The following CENPF variants were observed in gnomAD, a reference collection of about 807,000 sequenced individuals.
The protein encoded by CENPF is centromere protein F.
A neutral mutation model predicts 307.3 loss-of-function variants in CENPF; 214 were observed. The observed-to-expected ratio is 0.70, with a 90% CI of 0.62 to 0.78. The LOEUF (loss-of-function observed/expected upper bound fraction) is 0.78, where lower values mean the gene tolerates loss of function less well. CENPF is among the 30% of genes least tolerant of loss of function. The pLI is 0.00. For missense variants in CENPF, 3,401 were observed against 3,483.9 expected, an observed-to-expected ratio of 0.98 and a Z score of 0.60; for synonymous variants, 1,259 against 1,270.6, an observed-to-expected ratio of 0.99 and a Z score of 0.19.
chr1:214,660,751 T>G (rs754466253), intron 19 of CENPF, among the ~76,000 whole-genome samples: 115 of 152,346 alleles, frequency 7.5e-4, no homozygotes, highest in Admixed American at 1.1e-3. Context: ...GACATATAGC[T>G]GGTACTCTAT....
chr1:214,614,771 A>T, intron 2 of CENPF, 61 bp from the exon 3 acceptor site: 1 of 1,195,932 alleles, frequency 8.4e-7, no homozygotes. Flanking sequence ...CAGGTTTACC[A>T]ATAATACTTG....
intron 7 of CENPF, among the ~76,000 whole-genome samples, chr1:214,624,002 A>C (rs116298547): frequency 0.03 from 4,611 of 152,280 alleles, 108 homozygotes; most frequent in Middle Eastern, 0.088. Flanking sequence ...TGTTTACTTA[A>C]AACTTTTATT....
chr1:214,644,405 A>G, intron 12 of CENPF, 152 bp from the exon 13 acceptor site: 2 of 698,548 alleles, frequency 2.9e-6, no homozygotes, highest in Non-Finnish European at 4.5e-6. Flanking sequence ...CATTTGAATG[A>G]AGAGAGAAAG....
Position 214,659,663 on chromosome 1 carries a change from TG to T in CENPF, c.9141+636del, listed in dbSNP as rs1658742506. Reference sequence around the variant, plus strand: ...CATACCAGCAGCTGCCATTTAAGTATGCAAAGTATATGCATTTTATTTATCT... The same window carrying T: ...CATACCAGCAGCTGCCATTTAAGTATCAAAGTATATGCATTTTATTTATCT... On this transcript the variant is annotated intron_variant, in intron 19 of 19. Coordinates refer to ENST00000366955, the MANE Select transcript of CENPF (RefSeq NM_016343.4). The surrounding 1 kb of genome is among the most constrained non-coding windows in gnomAD (Gnocchi z 4.4). 6.6e-6 allele frequency among the ~76,000 whole-genome samples: 1 copy of T among 152,222 alleles called. No individual in the cohort carries two copies. The highest frequency in any genetic ancestry group is 2.1e-4 in the South Asian group (1 of 4,836).
At chr1:214,610,744 A>G (rs1657175865) in intron 1 of CENPF, among the ~76,000 whole-genome samples, 1 of 152,138 alleles carries the variant, frequency 6.6e-6, no homozygotes. Flanking sequence ...TGTCTTTGTC[A>G]TGAAATATTT....
At chr1:214,633,981 T>A (rs1657881082) in intron 10 of CENPF, among the ~76,000 whole-genome samples, 1 of 152,196 alleles carries the variant, frequency 6.6e-6, no homozygotes, top group Non-Finnish European at 1.5e-5. Flanking sequence ...AAAGCAATCA[T>A]CTGGTTAAGA....
intron 1 of CENPF, among the ~76,000 whole-genome samples, chr1:214,611,338 ACT>A (rs995491670): frequency 4.6e-5 from 7 of 151,024 alleles, no homozygotes; most frequent in African/African-American, 1.7e-4. Context: ...CATTTGTGTC[ACT>A]CTGATTTCTT....
chr1:214,613,936 A>G lies in CENPF; in HGVS notation c.162+20A>G. On this transcript the variant is annotated intron_variant, in intron 2 of 19. Transcript: ENST00000366955. ...CAGAAGGTACCCCTGAAGCTCTGGT[A>G]TTTGTAGCTGTTCACTCATTATTGA... The G allele has an allele frequency of 6.3e-7, 1 of 1,591,908 alleles. No homozygotes were observed.
Position 214,604,254 on chromosome 1 carries a change from G to A in CENPF, c.-42+933G>A, listed in dbSNP as rs1013473075. On this transcript the variant is annotated intron_variant, in intron 1 of 19. Coordinates refer to ENST00000366955, the MANE Select transcript of CENPF (RefSeq NM_016343.4). The stretch of plus-strand genomic sequence containing the variant: ...TTCGGGCATGAAGAGTGCCCTCCAC[G>A]TATTTAAGAGATAAAGATACAGCAT... Among the ~76,000 whole-genome samples the A allele has an allele frequency of 3.9e-5, 6 of 152,280 alleles. No homozygotes were observed. In the East Asian group the frequency reaches 1.2e-3, roughly 29 times the overall value.
At chr1:214,633,616 T>C (rs1167555330) in intron 10 of CENPF, among the ~76,000 whole-genome samples, 1 of 152,224 alleles carries the variant, frequency 6.6e-6, no homozygotes, top group Non-Finnish European at 1.5e-5. Flanking sequence ...CCCACCGCTT[T>C]GCAGAGTGTA....
chr1:214,646,420 G>T lies in CENPF; in HGVS notation c.6850G>T (p.Ala2284Ser). Reference sequence around the variant, plus strand: ...GTGTGGTGACCAAGAAATTATGAAGGCCACAGAACAGAGTCTAGACCCACC... The same window carrying T: ...GTGTGGTGACCAAGAAATTATGAAGTCCACAGAACAGAGTCTAGACCCACC... The part of the protein sequence containing the change: ...ALCGDQEIMK[A>S]TEQSLDPPIE... Residue 2284 changes from alanine (A) to serine (S), a missense_variant, in exon 13 of 20, where the codon GCC (alanine) becomes TCC (serine). By Grantham distance (99) the Ala-to-Ser change is moderately conservative. Coordinates refer to ENST00000366955, the MANE Select transcript of CENPF (RefSeq NM_016343.4). 6.2e-7 allele frequency: 1 copy of T among 1,614,098 alleles called. No homozygotes were observed. Among genetic ancestry groups the T allele is most frequent in the South Asian group, 1.1e-5 (1 of 91,078 alleles).
At chr1:214,605,720 C>A in intron 1 of CENPF, 2 of 1,593,608 alleles carry the variant, frequency 1.3e-6, no homozygotes, top group African/African-American at 1.3e-5. Context: ...GCGACGCAGG[C>A]CCTCCAGGTA....
chr1:214,613,724 A>G lies in CENPF; in HGVS notation c.-31A>G, dbSNP rs111454498. The G allele has an allele frequency of 1.3e-6, 2 of 1,552,332 alleles. No individual in the cohort carries two copies. The highest frequency in any genetic ancestry group is 1.4e-5 in the African/African-American group (1 of 71,826). On this transcript the variant is annotated 5_prime_UTR_variant, in exon 2 of 20. Transcript: ENST00000366955. ...GGTTATTCTTTTCAGTTTATTTACA[A>G]ATGTTGGAGTAATAAAGAAGGCAGA...
At chr1:214,604,846 GA>G (rs927838077) in intron 1 of CENPF, among the ~76,000 whole-genome samples, 2 of 149,750 alleles carry the variant, frequency 1.3e-5, no homozygotes, top group Non-Finnish European at 1.5e-5. Context: ...CTGAGAGCTA[GA>G]AAAAAAAACA....
In CENPF at chr1:214,647,045, C is replaced by T. The variant is rs374129418; in HGVS notation, c.7475C>T (p.Ala2492Val). Residue 2492 changes from alanine (A) to valine (V), a missense_variant, in exon 13 of 20, where the codon GCC (alanine) becomes GTC (valine). Physicochemically the swap from Ala to Val is moderately conservative, Grantham distance 64. Coordinates refer to ENST00000366955, the MANE Select transcript of CENPF (RefSeq NM_016343.4). The stretch of plus-strand genomic sequence containing the variant: ...CAGTTGCTACAAGGCCTTGATGAGG[C>T]CAAAAATAATTATATTGTTTTGCAA... ...KAQLLQGLDE[A>V]KNNYIVLQSS... 2.0e-5 allele frequency: 33 copies of T among 1,613,766 alleles called. No homozygotes were observed. Among genetic ancestry groups the T allele is most frequent in the African/African-American group, 2.7e-5 (2 of 74,866 alleles).
chr1:214,642,788 A>C lies in CENPF; in HGVS notation c.4450A>C (p.Ser1484Arg), dbSNP rs1269368923. The change falls in exon 12 of 20, where the codon AGC becomes CGC. Residue 1484 changes from serine to arginine, a missense_variant. Physicochemically the swap from Ser to Arg is moderately radical, Grantham distance 110. Coordinates refer to ENST00000366955, the MANE Select transcript of CENPF (RefSeq NM_016343.4). ...CCTGTCATCCTCTTGTGTGCCTGAC[A>C]GCTCTAGTCTTAGCAGTTTGGGAGA... ...PSLSSSCVPDSSSLSSLGDSS... is the reference protein window; with the variant it reads ...PSLSSSCVPDRSSLSSLGDSS... The C allele has an allele frequency of 9.3e-6, 15 of 1,613,846 alleles. No individual in the cohort carries two copies. Among genetic ancestry groups the C allele is most frequent in the Non-Finnish European group, 1.1e-5 (13 of 1,179,988 alleles).
At position 214,658,491 on chromosome 1, in the gene CENPF, C is replaced by T. The variant is rs1279643188; in HGVS notation, c.8963-359C>T. Among the ~76,000 whole-genome samples the T allele has an allele frequency of 2.7e-5, 4 of 150,764 alleles. No individual in the cohort carries two copies. In the South Asian group the frequency reaches 6.3e-4, roughly 24 times the overall value. ...TTTTTCCATTATACCCTCCTTTTTTCCCCAACCCAATTTTACAATAAGGCC... is the reference window on the plus strand; with the variant it reads ...TTTTTCCATTATACCCTCCTTTTTTTCCCAACCCAATTTTACAATAAGGCC... On this transcript the variant is annotated intron_variant, in intron 18 of 19. Coordinates refer to ENST00000366955, the MANE Select transcript of CENPF (RefSeq NM_016343.4).
rs1385921593 is a variant in CENPF at position 214,642,648 on chromosome 1, C to T, written c.4310C>T (p.Thr1437Ile). 1 of 1,613,986 alleles carries T rather than the reference C, an allele frequency of 6.2e-7. No homozygotes were observed. Among genetic ancestry groups the T allele is most frequent in the South Asian group, 1.1e-5 (1 of 91,074 alleles). The change falls in exon 12 of 20, where the codon ACC (threonine) becomes ATC (isoleucine). Residue 1437 changes from threonine (T) to isoleucine (I), a missense_variant. By Grantham distance (89) the Thr-to-Ile change is moderately conservative. Transcript: ENST00000366955. ...AGCTCTAAAATGTCAGAGCTGCAGA[C>T]CTATGTTGACTCATTAAAGGCCGAA... Reference protein sequence around the residue: ...QMSSKMSELQTYVDSLKAENL... With the variant: ...QMSSKMSELQIYVDSLKAENL...
chr1:214,620,583 T>G, intron 5 of CENPF, 72 bp from the exon 6 acceptor site: 1 of 1,460,522 alleles, frequency 6.8e-7, no homozygotes, highest in African/African-American at 1.4e-5. Context: ...TGGCTTTATA[T>G]TCTATCTGAA....
Sources: allele counts gnomAD v4.1 joint callset (sites outside exome capture counted in the v4.1 genomes callset), GRCh38; gene constraint gnomAD v4.1.1; non-coding constraint Gnocchi (gnomAD v3.1); transcripts MANE v1.5; gene names NCBI Gene and HGNC (gene_info 2026-07-23, HGNC 2026-07-21).